The following KIAA1671 variants were observed in gnomAD, a reference collection of about 807,000 sequenced individuals.
KIAA1671 encodes the protein KIAA1671.
Under a neutral mutation model 131.2 loss-of-function variants are expected in KIAA1671, and 52 were observed. That is an observed-to-expected ratio of 0.40 (90% CI 0.32 to 0.50). KIAA1671 has a LOEUF of 0.50. Ranked by LOEUF, KIAA1671 falls within the 20% of genes least tolerant of loss-of-function variation. KIAA1671 has a pLI of 0.73. For synonymous variants in KIAA1671, 1,003 were observed against 961.6 expected (o/e 1.04, Z -0.80); for missense variants, 2,360 against 2,364.2 (o/e 1.00, Z 0.04).
intron 6 of KIAA1671, among the ~76,000 whole-genome samples, chr22:25,166,882 A>T (rs968540039): frequency 6.6e-6 from 1 of 151,976 alleles, no homozygotes; most frequent in Non-Finnish European, 1.5e-5. Flanking sequence ...CTTAGCATAC[A>T]CAGGCACAAG....
At chr22:25,170,148 C>T (rs1301491411) in intron 6 of KIAA1671, among the ~76,000 whole-genome samples, 2 of 152,132 alleles carry the variant, frequency 1.3e-5, no homozygotes, top group African/African-American at 4.8e-5. Context: ...CTCCTGACCT[C>T]GTGATCCGCC....
intron 1 of KIAA1671, among the ~76,000 whole-genome samples, chr22:24,960,205 G>T (rs987581513): frequency 5.9e-5 from 9 of 151,706 alleles, no homozygotes; most frequent in Non-Finnish European, 1.0e-4. Flanking sequence ...ATTAAAAATA[G>T]ATTTAGGTAC....
intron 6 of KIAA1671, among the ~76,000 whole-genome samples, chr22:25,101,381 T>C (rs1000971322): frequency 6.6e-6 from 1 of 152,222 alleles, no homozygotes; most frequent in Non-Finnish European, 1.5e-5. Flanking sequence ...TGGCAGACTC[T>C]CCACAGCATG....
chr22:25,109,590 A>G (rs1931227130), intron 6 of KIAA1671, among the ~76,000 whole-genome samples: 1 of 152,232 alleles, frequency 6.6e-6, no homozygotes, highest in African/African-American at 2.4e-5. Context: ...ACCTTGGTAC[A>G]TGATTTCACC....
intron 12 of KIAA1671, among the ~76,000 whole-genome samples, chr22:25,191,639 C>T (rs1055072917): frequency 1.3e-5 from 2 of 152,222 alleles, no homozygotes; most frequent in East Asian, 1.9e-4. Context: ...TCCACACCAC[C>T]GAGTTGTCCT....
At chr22:25,161,637 G>A (rs1230216946) in intron 6 of KIAA1671, among the ~76,000 whole-genome samples, 1 of 152,222 alleles carries the variant, frequency 6.6e-6, no homozygotes, top group East Asian at 1.9e-4. Flanking sequence ...CTGGAGGGAT[G>A]GGAGCACGTG....
At chr22:25,133,365 T>C (rs78324090) in intron 6 of KIAA1671, among the ~76,000 whole-genome samples, 4,820 of 152,278 alleles carry the variant, frequency 0.032, 260 homozygotes, top group African/African-American at 0.11. Flanking sequence ...TTCAGTAGCA[T>C]GTGTTGACCA....
At chr22:25,091,611 A>G (rs1930033327) in intron 6 of KIAA1671, among the ~76,000 whole-genome samples, 2 of 152,158 alleles carry the variant, frequency 1.3e-5, no homozygotes, top group African/African-American at 4.8e-5. Context: ...TGCATAGAAA[A>G]CTAAAGCGAG....
In KIAA1671 at chr22:25,105,210, T is replaced by C. The variant is rs186155581; in HGVS notation, c.4530+55846T>C. Among the ~76,000 whole-genome samples, 469 of 152,206 alleles carry C rather than the reference T, an allele frequency of 3.1e-3. 2 individuals are homozygous for C. Among genetic ancestry groups the C allele is most frequent in the Non-Finnish European group, 4.9e-3 (331 of 68,002 alleles). ...CTAATTTTTACATTTTTAGTAGATA[T>C]GGGGTTTCGCCATGTTGGCCATGCT... On this transcript the variant is annotated intron_variant, in intron 6 of 12. Coordinates refer to ENST00000358431, the MANE Select transcript of KIAA1671 (RefSeq NM_001145206.2).
intron 1 of KIAA1671, among the ~76,000 whole-genome samples, chr22:24,996,994 T>C (rs1290869206): frequency 6.6e-6 from 1 of 152,214 alleles, no homozygotes; most frequent in Non-Finnish European, 1.5e-5. Flanking sequence ...TTACCTTCTG[T>C]ATGCCAGGGG....
chr22:24,963,617 T>C (rs1922132359), intron 1 of KIAA1671, among the ~76,000 whole-genome samples: 1 of 152,070 alleles, frequency 6.6e-6, no homozygotes, highest in East Asian at 1.9e-4. Context: ...GTGCGCTGGC[T>C]TCTGCCTAGA....
chr22:24,967,814 A>C (rs1040821991), intron 1 of KIAA1671, among the ~76,000 whole-genome samples: 45 of 152,250 alleles, frequency 3.0e-4, no homozygotes, highest in Admixed American at 9.2e-4. Flanking sequence ...AACACGGTGA[A>C]ACCCTGTCTC....
chr22:25,182,221 TC>T (rs1331971774), intron 10 of KIAA1671, among the ~76,000 whole-genome samples: 1 of 150,440 alleles, frequency 6.6e-6, no homozygotes, highest in Non-Finnish European at 1.5e-5. Context: ...CTTCCGTCCT[TC>T]CTTCCTTTCT....
chr22:25,009,448 A>G (rs1196523124), intron 1 of KIAA1671, among the ~76,000 whole-genome samples: 1 of 150,276 alleles, frequency 6.7e-6, no homozygotes, highest in Non-Finnish European at 1.5e-5. Flanking sequence ...TATTTTTAGA[A>G]GAGATGGGGT....
At position 25,113,302 on chromosome 22, in the gene KIAA1671, C is replaced by T. The variant is rs563379581; in HGVS notation, c.4531-57518C>T. On this transcript the variant is annotated intron_variant, in intron 6 of 12. Transcript: ENST00000358431. ...CTCCCAGCAGATGTTCTCCCCAGAC[C>T]CTCCCAATTAATTCAGGGCTGCCCA... 1.1e-4 allele frequency among the ~76,000 whole-genome samples: 17 copies of T among 152,264 alleles called. No homozygotes were observed. In the South Asian group the frequency reaches 2.7e-3, roughly 24 times the overall value.
chr22:25,098,560 G>C (rs1364849368), intron 6 of KIAA1671, among the ~76,000 whole-genome samples: 1 of 148,378 alleles, frequency 6.7e-6, no homozygotes, highest in Non-Finnish European at 1.5e-5. Context: ...CTGTGACTCA[G>C]AAGCAAGAAG....
chr22:25,149,996 C>T (rs77485036), intron 6 of KIAA1671, among the ~76,000 whole-genome samples: 2 of 152,152 alleles, frequency 1.3e-5, no homozygotes, highest in Admixed American at 6.5e-5. Context: ...GCTTCCCGTG[C>T]CTGGTTGAAA....
intron 6 of KIAA1671, chr22:25,112,330 C>G: frequency 2.5e-6 from 1 of 399,074 alleles, no homozygotes; most frequent in Non-Finnish European, 4.4e-6. Context: ...GCCGGACCCC[C>G]TTCAAGCGTA....
chr22:25,138,267 A>C (rs1354579495), intron 6 of KIAA1671, among the ~76,000 whole-genome samples: 1 of 152,160 alleles, frequency 6.6e-6, no homozygotes, highest in East Asian at 1.9e-4. Flanking sequence ...TGGCTGATGG[A>C]AGGAGATCAT....
Sources: gnomAD v4.1 joint callset for allele counts (sites outside exome capture counted in the v4.1 genomes callset) on GRCh38, gnomAD v4.1.1 for gene constraint, MANE v1.5 for transcripts, NCBI Gene and HGNC (gene_info 2026-07-23, HGNC 2026-07-21) for gene names.